HS6ST3: variants seen among roughly 807,000 people sequenced by gnomAD.
HS6ST3 encodes heparan-sulfate 6-O-sulfotransferase 3.
In HS6ST3, 12 loss-of-function variants were observed where a neutral mutation model predicts 36.7. That is an observed-to-expected ratio of 0.33 (90% CI 0.21 to 0.53). The LOEUF (loss-of-function observed/expected upper bound fraction) is 0.53, where lower values mean the gene tolerates loss of function less well. Among genes scored for constraint, HS6ST3 ranks in the 20% least tolerant of loss-of-function variants. The pLI is 0.95. For synonymous variants in HS6ST3, 240 were observed against 257.5 expected, an observed-to-expected ratio of 0.93 and a Z score of 0.65; for missense variants, 584 against 640.9, an observed-to-expected ratio of 0.91 and a Z score of 0.96.
chr13:96,576,930 T>G (rs889921450), intron 1 of HS6ST3, among the ~76,000 whole-genome samples: 2 of 109,492 alleles, frequency 1.8e-5, no homozygotes, highest in African/African-American at 3.9e-5. Flanking sequence ...GGAAACAGAG[T>G]GAGACTCTGT....
At chr13:96,436,304 T>C (rs529462852) in intron 1 of HS6ST3, among the ~76,000 whole-genome samples, 1 of 152,368 alleles carries the variant, frequency 6.6e-6, no homozygotes, top group East Asian at 1.9e-4. Context: ...TTTTGGAGTT[T>C]AACTATTTAC....
At chr13:96,482,337 G>A (rs571451821) in intron 1 of HS6ST3, among the ~76,000 whole-genome samples, 2 of 152,278 alleles carry the variant, frequency 1.3e-5, no homozygotes, top group East Asian at 3.9e-4. Context: ...GAGACTGGTT[G>A]TGATACAGAG....
chr13:96,117,249 A>C (rs1332755333), intron 1 of HS6ST3, among the ~76,000 whole-genome samples: 2 of 152,204 alleles, frequency 1.3e-5, no homozygotes, highest in African/African-American at 4.8e-5. Context: ...TGAATATTTC[A>C]TAAGAGAAGA....
At chr13:96,202,996 T>TTCAC (rs1400950135) in intron 1 of HS6ST3, among the ~76,000 whole-genome samples, 2 of 152,216 alleles carry the variant, frequency 1.3e-5, no homozygotes, top group East Asian at 3.8e-4. Flanking sequence ...CTTCAACTCA[T>TTCAC]TCACTCACTC....
chr13:96,350,582 G>A (rs931905073), intron 1 of HS6ST3, among the ~76,000 whole-genome samples: 1 of 152,206 alleles, frequency 6.6e-6, no homozygotes, highest in African/African-American at 2.4e-5. Context: ...TTTGCCTGCA[G>A]TATAAGGCGC....
At chr13:96,216,455 T>C (rs928641195) in intron 1 of HS6ST3, among the ~76,000 whole-genome samples, 3 of 152,224 alleles carry the variant, frequency 2.0e-5, no homozygotes, top group Non-Finnish European at 4.4e-5. Flanking sequence ...AAATATTCTT[T>C]TGCTTACGTC....
chr13:96,816,415 C>A (rs1488621039), intron 1 of HS6ST3, among the ~76,000 whole-genome samples: 1 of 152,154 alleles, frequency 6.6e-6, no homozygotes, highest in Non-Finnish European at 1.5e-5. Context: ...GGGCATTTGC[C>A]AAGCAAAGTA....
chr13:96,804,043 T>C (rs1167858430), intron 1 of HS6ST3, among the ~76,000 whole-genome samples: 1 of 151,774 alleles, frequency 6.6e-6, no homozygotes, highest in Non-Finnish European at 1.5e-5. Flanking sequence ...TGGACAGGGA[T>C]CTGGGGGTAG....
intron 1 of HS6ST3, among the ~76,000 whole-genome samples, chr13:96,341,304 G>C (rs967632367): frequency 1.3e-5 from 2 of 152,084 alleles, no homozygotes; most frequent in East Asian, 3.8e-4. Flanking sequence ...GGAGGGGCTC[G>C]TATTTCATTT....
chr13:96,322,134 A>G (rs369645500), intron 1 of HS6ST3, among the ~76,000 whole-genome samples: 1 of 152,072 alleles, frequency 6.6e-6, no homozygotes, highest in African/African-American at 2.4e-5. Context: ...CCCTCAACCT[A>G]ATTGGTAGTT....
chr13:96,752,642 A>C (rs1326265367), intron 1 of HS6ST3, among the ~76,000 whole-genome samples: 1 of 151,976 alleles, frequency 6.6e-6, no homozygotes, highest in Non-Finnish European at 1.5e-5. Flanking sequence ...ATTTTTCTAC[A>C]CAATCATTTG....
chr13:96,721,811 A>G (rs1174054102), intron 1 of HS6ST3, among the ~76,000 whole-genome samples: 1 of 152,244 alleles, frequency 6.6e-6, no homozygotes, highest in Admixed American at 6.5e-5. Flanking sequence ...AAATTACTGC[A>G]GTGAAACTTA....
intron 1 of HS6ST3, among the ~76,000 whole-genome samples, chr13:96,500,506 C>G (rs970882271): frequency 2.6e-5 from 4 of 152,044 alleles, no homozygotes; most frequent in Non-Finnish European, 4.4e-5. Flanking sequence ...CTGAAGGGAG[C>G]CAAAGGTATA....
At chr13:96,602,065 C>G (rs1346993114) in intron 1 of HS6ST3, among the ~76,000 whole-genome samples, 2 of 152,132 alleles carry the variant, frequency 1.3e-5, no homozygotes, top group African/African-American at 4.8e-5. Context: ...CTGCGTTAAA[C>G]AGGTCAGCCT....
At chr13:96,734,319 C>T (rs1161511106) in intron 1 of HS6ST3, among the ~76,000 whole-genome samples, 1 of 152,168 alleles carries the variant, frequency 6.6e-6, no homozygotes, top group Non-Finnish European at 1.5e-5. Context: ...GACTTTCTTC[C>T]TAGGTCAGTA....
chr13:96,517,494 T>C (rs927604634), intron 1 of HS6ST3, among the ~76,000 whole-genome samples: 1 of 152,214 alleles, frequency 6.6e-6, no homozygotes, highest in Non-Finnish European at 1.5e-5. Flanking sequence ...TGATCCAATC[T>C]ACCACATTGG....
intron 1 of HS6ST3, among the ~76,000 whole-genome samples, chr13:96,364,292 G>A (rs2055252971): frequency 6.6e-6 from 1 of 152,086 alleles, no homozygotes; most frequent in Non-Finnish European, 1.5e-5. Flanking sequence ...ACAGATACTT[G>A]TACACCCATG....
intron 1 of HS6ST3, among the ~76,000 whole-genome samples, chr13:96,382,191 T>C (rs189021333): frequency 6.6e-6 from 1 of 152,284 alleles, no homozygotes. Flanking sequence ...GGAGGGCAAC[T>C]TTTCATTAGG....
At chr13:96,261,240 T>A (rs1053030313) in intron 1 of HS6ST3, among the ~76,000 whole-genome samples, 1 of 151,056 alleles carries the variant, frequency 6.6e-6, no homozygotes, top group Non-Finnish European at 1.5e-5. Context: ...AAAGCTAATA[T>A]AAACAATTTA....
Sources: allele counts gnomAD v4.1 joint callset (sites outside exome capture counted in the v4.1 genomes callset), GRCh38; gene constraint gnomAD v4.1.1; transcripts MANE v1.5; gene names NCBI Gene and HGNC (gene_info 2026-07-23, HGNC 2026-07-21).